Variants in HERC3 observed in about 807,000 individuals in gnomAD.
HERC3 encodes probable E3 ubiquitin-protein ligase HERC3.
A neutral mutation model predicts 129.9 loss-of-function variants in HERC3; 58 were observed. That is an observed-to-expected ratio of 0.45 (90% CI 0.36 to 0.56). HERC3 has a LOEUF of 0.56. HERC3 is among the 20% of genes least tolerant of loss of function. The pLI is 0.00. For synonymous variants in HERC3, 430 were observed against 451.0 expected (o/e 0.95, Z 0.59); for missense variants, 835 against 1,244.2 (o/e 0.67, Z 4.95).
intron 21 of HERC3, among the ~76,000 whole-genome samples, chr4:88,681,868 A>T (rs774460607): frequency 5.3e-5 from 8 of 152,198 alleles, no homozygotes; most frequent in Non-Finnish European, 8.8e-5. Flanking sequence ...AGATTATTGT[A>T]AACTATGGTC....
At chr4:88,688,810 A>G (rs1261467347) in intron 23 of HERC3, among the ~76,000 whole-genome samples, 1 of 152,244 alleles carries the variant, frequency 6.6e-6, no homozygotes, top group Non-Finnish European at 1.5e-5. Context: ...TGGTGAAATG[A>G]AAAACAAGAG....
At chr4:88,689,349 TA>T (rs143398618) in intron 23 of HERC3, among the ~76,000 whole-genome samples, 25,375 of 120,996 alleles carry the variant, frequency 0.21, 3,809 homozygotes, top group African/African-American at 0.44. Context: ...TACAAAAAAG[TA>T]AAAAAAAAAA....
chr4:88,579,935 C>T, the HERC3 span, among the ~76,000 whole-genome samples: 1 of 152,144 alleles, frequency 6.6e-6, no homozygotes, highest in Admixed American at 6.5e-5. Context: ...AGTGGATTAT[C>T]TCCTGGAGTC....
At chr4:88,698,773 A>G (rs1177154334) in intron 23 of HERC3, among the ~76,000 whole-genome samples, 1 of 94,456 alleles carries the variant, frequency 1.1e-5, no homozygotes, top group Non-Finnish European at 2.1e-5. Context: ...CCCCGCACTG[A>G]CTTATGCCCC....
At chr4:88,570,578 C>T in the HERC3 span, among the ~76,000 whole-genome samples, 4 of 152,012 alleles carry the variant, frequency 2.6e-5, no homozygotes, top group African/African-American at 9.7e-5. Flanking sequence ...TCTTGTCTCC[C>T]AGGAAGTGGG....
At chr4:88,608,220 G>A (rs555063524) in intron 3 of HERC3, among the ~76,000 whole-genome samples, 1 of 152,292 alleles carries the variant, frequency 6.6e-6, no homozygotes, top group African/African-American at 2.4e-5. Flanking sequence ...GAGGGCTGCA[G>A]GGCTTAGGCA....
the HERC3 span, among the ~76,000 whole-genome samples, chr4:88,576,773 T>C: frequency 6.6e-6 from 1 of 152,184 alleles, no homozygotes; most frequent in Admixed American, 6.5e-5. Flanking sequence ...TGTTGCCTTT[T>C]AACGTTTTTA....
At chr4:88,608,308 C>G (rs114541348) in intron 3 of HERC3, among the ~76,000 whole-genome samples, 1,651 of 152,208 alleles carry the variant, frequency 0.011, 33 homozygotes, top group African/African-American at 0.036. Context: ...TCAGGAAGCC[C>G]GCTGTGAGAA....
the HERC3 span, among the ~76,000 whole-genome samples, chr4:88,577,249 A>C: frequency 6.6e-6 from 1 of 152,150 alleles, no homozygotes; most frequent in Non-Finnish European, 1.5e-5. Context: ...GGTACTTCTT[A>C]CCCAAGTTCC....
At chr4:88,564,494 G>C in the HERC3 span, among the ~76,000 whole-genome samples, 1 of 152,088 alleles carries the variant, frequency 6.6e-6, no homozygotes, top group African/African-American at 2.4e-5. Context: ...TTTCTTCATG[G>C]TTCAATCTTG....
rs1453569450 is a variant in HERC3 at position 88,708,458 on chromosome 4, T to G, written c.*1498T>G. 3 of 152,632 alleles carry G rather than the reference T, an allele frequency of 2.0e-5. No homozygotes were observed. The allele number at this position is 152,632 out of a possible 1,614,324, so 9.5% of individuals were successfully genotyped here. Reference sequence around the variant, plus strand: ...ATAAATACAGGATTAAAAATATATATACAGTTATATGAAATGTTTATTTTC... The same window carrying G: ...ATAAATACAGGATTAAAAATATATAGACAGTTATATGAAATGTTTATTTTC... On this transcript the variant is annotated 3_prime_UTR_variant, in exon 26 of 26. Transcript: ENST00000402738.
intron 2 of HERC3, among the ~76,000 whole-genome samples, chr4:88,605,007 G>C (rs1723469985): frequency 6.6e-6 from 1 of 152,196 alleles, no homozygotes; most frequent in South Asian, 2.1e-4. Context: ...CTTTAGGCTA[G>C]GGTCAGTAAT....
the HERC3 span, among the ~76,000 whole-genome samples, chr4:88,565,447 T>G: frequency 6.6e-6 from 1 of 152,208 alleles, no homozygotes; most frequent in Non-Finnish European, 1.5e-5. Context: ...TTACAATTGT[T>G]ATATCTTCTT....
chr4:88,621,089 C>T (rs1436005951), intron 3 of HERC3, among the ~76,000 whole-genome samples: 2 of 152,132 alleles, frequency 1.3e-5, no homozygotes, highest in Non-Finnish European at 2.9e-5. Flanking sequence ...CATTGTGTGG[C>T]ACATAGTGAG....
intron 23 of HERC3, among the ~76,000 whole-genome samples, chr4:88,688,048 T>G (rs1328158631): frequency 1.3e-5 from 2 of 152,206 alleles, no homozygotes; most frequent in African/African-American, 4.8e-5. Context: ...TTGGGATTAG[T>G]TGAGAAGGGT....
the HERC3 span, among the ~76,000 whole-genome samples, chr4:88,539,290 T>TG: frequency 1.3e-5 from 2 of 152,152 alleles, no homozygotes; most frequent in South Asian, 4.2e-4. Context: ...GCTCTGCGGG[T>TG]CCCATGCCCA....
intron 3 of HERC3, among the ~76,000 whole-genome samples, chr4:88,607,873 G>A (rs897560092): frequency 1.3e-5 from 2 of 152,142 alleles, no homozygotes; most frequent in Admixed American, 6.5e-5. Context: ...TCTTCTTTTG[G>A]TGAGAAATTT....
rs1176852912 is a variant in HERC3 at position 88,596,088 on chromosome 4, A to T, written c.-30+474A>T. On this transcript the variant is annotated intron_variant, in intron 2 of 25. Transcript: ENST00000402738. Reference sequence around the variant, plus strand: ...ATGGTCTTGATCTCCTGACCTCGTGATCCGCCTGCCTCGGCCTTCCAAAGT... The same window carrying T: ...ATGGTCTTGATCTCCTGACCTCGTGTTCCGCCTGCCTCGGCCTTCCAAAGT... Among the ~76,000 whole-genome samples the T allele has an allele frequency of 2.0e-5, 3 of 152,158 alleles. No homozygotes were observed. The East Asian group carries it at 5.8e-4, about 29-fold the overall frequency.
intron 3 of HERC3, among the ~76,000 whole-genome samples, chr4:88,618,777 C>T (rs1298104589): frequency 1.3e-5 from 2 of 152,220 alleles, no homozygotes; most frequent in Non-Finnish European, 1.5e-5. Context: ...CATGTTTCAT[C>T]TCCTTACTGC....
Sources: gnomAD v4.1 joint callset for allele counts (sites outside exome capture counted in the v4.1 genomes callset) on GRCh38, gnomAD v4.1.1 for gene constraint, MANE v1.5 for transcripts, NCBI Gene and HGNC (gene_info 2026-07-23, HGNC 2026-07-21) for gene names.